Variants in GLB1L2 observed in about 807,000 individuals in gnomAD.
GLB1L2 encodes beta-galactosidase-1-like protein 2.
In GLB1L2, 68 loss-of-function variants were observed where a neutral mutation model predicts 84.1. The observed-to-expected ratio is 0.81, with a 90% CI of 0.67 to 0.99. The LOEUF is 0.99. GLB1L2 is among the 50% of genes least tolerant of loss of function. The pLI is 0.00. For missense variants in GLB1L2, 762 were observed against 805.6 expected, an observed-to-expected ratio of 0.95 and a Z score of 0.66; for synonymous variants, 290 against 318.0, an observed-to-expected ratio of 0.91 and a Z score of 0.94.
At chr11:134,342,147 C>A (rs1197435670) in intron 1 of GLB1L2, among the ~76,000 whole-genome samples, 1 of 152,180 alleles carries the variant, frequency 6.6e-6, no homozygotes, top group African/African-American at 2.4e-5. Context: ...CTGGGGCCGA[C>A]CCCGAGAGAT....
At position 134,374,229 on chromosome 11, in the gene GLB1L2, C is replaced by G. The variant is rs3741097; in HGVS notation, c.1680C>G (p.Thr560=). ...TGGGTAGCTTGTCCATCAGCTCCAC[C>G]CCTTGTGACACCTTTCTGAAGCTGG... is the stretch of plus-strand genomic sequence containing the variant. ...FFLGSLSISS[T]PCDTFLKLEG... The change falls in exon 17 of 19, where the codon ACC becomes ACG. Residue 560 remains threonine, a synonymous_variant. Transcript: ENST00000535456. 348,312 of 1,611,182 alleles carry G rather than the reference C, an allele frequency of 0.22. 41,862 individuals are homozygous for G. The highest frequency in any genetic ancestry group is 0.51 in the East Asian group (23,005 of 44,824).
chr11:134,356,455 G>T, intron 6 of GLB1L2, 62 bp downstream of exon 6: 1 of 1,138,316 alleles, frequency 8.8e-7, no homozygotes, highest in South Asian at 1.3e-5. Flanking sequence ...ATAGGCTGTG[G>T]TGTGACATGT....
rs751920376 is a variant in GLB1L2 at position 134,373,799 on chromosome 11, T to G, written c.1586T>G (p.Phe529Cys). The change falls in exon 16 of 19, where the codon TTC (phenylalanine) becomes TGC (cysteine). Residue 529 changes from phenylalanine (F) to cysteine (C), a missense_variant. Phe to Cys is a radical substitution (Grantham distance 205). Around this residue, in one of 3 missense-constraint regions of GLB1L2, gnomAD observed 603 missense variants for 611.7 expected, o/e 0.99. Coordinates refer to ENST00000535456, the MANE Select transcript of GLB1L2 (RefSeq NM_001370461.1). ...RIYSLDMKKS[F>C]FQRFGLDKWS... The stretch of plus-strand genomic sequence containing the variant: ...TATAGCCTGGATATGAAGAAGAGCT[T>G]CTTTCAGAGGTGGGTCCCTGCCCAG... 6 of 1,606,986 alleles carry G rather than the reference T, an allele frequency of 3.7e-6. No individual in the cohort carries two copies. The highest frequency in any genetic ancestry group is 1.3e-5 in the African/African-American group (1 of 74,798).
chr11:134,360,751 G>A (rs561824575), intron 7 of GLB1L2: 17 of 151,672 alleles, frequency 1.1e-4, no homozygotes, highest in African/African-American at 3.6e-4. Context: ...CCTACTCTTC[G>A]TTACATTCTC....
Position 134,371,503 on chromosome 11 carries a change from T to C in GLB1L2, c.1428+11T>C, listed in dbSNP as rs755993286. On this transcript the variant is annotated intron_variant, in intron 14 of 18. Transcript: ENST00000535456. ...GTCCCCCTGATCCAGGTTCGTTGTT[T>C]TTGGGAGCTGGGTGATGGCTAGCCC... The C allele has an allele frequency of 6.5e-7, 1 of 1,538,638 alleles. No homozygotes were observed. Among genetic ancestry groups the C allele is most frequent in the Admixed American group, 1.7e-5 (1 of 59,914 alleles).
intron 15 of GLB1L2, among the ~76,000 whole-genome samples, chr11:134,373,223 C>A (rs1943980613): frequency 6.6e-6 from 1 of 152,192 alleles, no homozygotes; most frequent in South Asian, 2.1e-4. Context: ...ATGAGTGGCT[C>A]CTCAAGAGGA....
At chr11:134,362,107 T>C (rs770741534) in intron 7 of GLB1L2, among the ~76,000 whole-genome samples, 1 of 152,252 alleles carries the variant, frequency 6.6e-6, no homozygotes, top group Non-Finnish European at 1.5e-5. Flanking sequence ...GTAGATTGTC[T>C]ACGTCTTTTC....
chr11:134,350,115 A>C (rs1043756816), intron 5 of GLB1L2, among the ~76,000 whole-genome samples: 1 of 152,206 alleles, frequency 6.6e-6, no homozygotes, highest in Non-Finnish European at 1.5e-5. Flanking sequence ...TCCCTTAGCC[A>C]TGCCAGCTGG....
At chr11:134,351,156 G>A (rs899276391) in intron 5 of GLB1L2, among the ~76,000 whole-genome samples, 1 of 152,224 alleles carries the variant, frequency 6.6e-6, no homozygotes, top group African/African-American at 2.4e-5. Flanking sequence ...GATGTTGACT[G>A]TGGGCTTTCT....
chr11:134,362,521 G>A (rs1943810251), intron 7 of GLB1L2, among the ~76,000 whole-genome samples: 2 of 152,366 alleles, frequency 1.3e-5, no homozygotes, highest in African/African-American at 2.4e-5. Flanking sequence ...TGACTGGGCC[G>A]TGGGGCTTTT....
intron 5 of GLB1L2, among the ~76,000 whole-genome samples, chr11:134,355,519 CTT>C (rs1004445013): frequency 1.3e-5 from 2 of 152,186 alleles, no homozygotes; most frequent in African/African-American, 4.8e-5. Flanking sequence ...AACATGAAGA[CTT>C]AAGAGCTGAT....
chr11:134,339,717 C>T lies in GLB1L2; in HGVS notation c.87-3037C>T, dbSNP rs1350157732. Among the ~76,000 whole-genome samples the T allele has an allele frequency of 3.9e-5, 6 of 151,912 alleles. No individual in the cohort carries two copies. Among genetic ancestry groups the T allele is most frequent in the Non-Finnish European group, 5.9e-5 (4 of 68,002 alleles). ...GTCTACGTAGTGTCCAAGGAGAAGA[C>T]GCAGATTGGGCTTCTCGAGCTGTAA... On this transcript the variant is annotated intron_variant, in intron 1 of 18. Transcript: ENST00000535456. This position sits in a 1 kb window ranked among gnomAD's most constrained non-coding sequence, Gnocchi z 5.7.
At chr11:134,351,590 C>A (rs535756208) in intron 5 of GLB1L2, among the ~76,000 whole-genome samples, 1 of 152,270 alleles carries the variant, frequency 6.6e-6, no homozygotes, top group East Asian at 1.9e-4. Context: ...GGTGATCCAC[C>A]TGCCTCAGCC....
chr11:134,355,275 C>T (rs888112327), intron 5 of GLB1L2, among the ~76,000 whole-genome samples: 2 of 152,088 alleles, frequency 1.3e-5, no homozygotes, highest in Admixed American at 6.6e-5. Context: ...AGCATATTTA[C>T]GACAGCTGTT....
intron 9 of GLB1L2, among the ~76,000 whole-genome samples, chr11:134,368,348 G>A (rs1319955322): frequency 6.6e-6 from 1 of 152,184 alleles, no homozygotes; most frequent in Non-Finnish European, 1.5e-5. Flanking sequence ...AGACTGTGCT[G>A]GCTGGAAGGC....
intron 6 of GLB1L2, 71 bp from the exon 7 acceptor site, chr11:134,358,989 T>G: frequency 9.3e-7 from 1 of 1,078,524 alleles, no homozygotes; most frequent in Middle Eastern, 2.1e-4. Flanking sequence ...GCTACCCAAC[T>G]GCAGCTGTGT....
intron 5 of GLB1L2, among the ~76,000 whole-genome samples, chr11:134,351,804 T>G (rs1422792264): frequency 6.6e-6 from 1 of 152,226 alleles, no homozygotes; most frequent in African/African-American, 2.4e-5. Context: ...TTAGTCCGTG[T>G]TTTCTTTTCT....
chr11:134,344,957 C>T (rs1669619703), intron 3 of GLB1L2, 77 bp from the exon 4 acceptor site: 3 of 1,501,794 alleles, frequency 2.0e-6, no homozygotes, highest in Non-Finnish European at 2.7e-6. Context: ...AGCTCCTCCA[C>T]CCTGTGATGC....
chr11:134,362,450 G>A (rs1415811191), intron 7 of GLB1L2, among the ~76,000 whole-genome samples: 1 of 152,182 alleles, frequency 6.6e-6, no homozygotes, highest in Non-Finnish European at 1.5e-5. Flanking sequence ...AGAGGCTCTC[G>A]GCTGCCACTC....
Sources: gnomAD v4.1 joint callset for allele counts (sites outside exome capture counted in the v4.1 genomes callset) on GRCh38, gnomAD v4.1.1 for gene constraint, gnomAD v4.1.1 regional missense constraint, Gnocchi (gnomAD v3.1) non-coding constraint, MANE v1.5 for transcripts, NCBI Gene and HGNC (gene_info 2026-07-23, HGNC 2026-07-21) for gene names.